CACNA1H: variants seen among roughly 807,000 people sequenced by gnomAD.
CACNA1H encodes voltage-dependent T-type calcium channel subunit alpha-1H.
A neutral mutation model predicts 192.5 loss-of-function variants in CACNA1H; 149 were observed. That is an observed-to-expected ratio of 0.77 (90% CI 0.68 to 0.89). The LOEUF is 0.89. CACNA1H is among the 40% of genes least tolerant of loss of function. The probability of loss-of-function intolerance (pLI) is 0.00; values close to 1 mark genes in which losing one functional copy is unlikely to be tolerated. For missense variants in CACNA1H, 4,257 were observed against 3,423.5 expected, an observed-to-expected ratio of 1.24 and a Z score of -6.08; for synonymous variants, 2,202 against 1,475.2, an observed-to-expected ratio of 1.49 and a Z score of -11.29.
rs576181625 is a variant in CACNA1H, at chr16:1,214,414, G to A, written c.4929+483G>A. 2.7e-4 allele frequency among the ~76,000 whole-genome samples: 41 copies of A among 152,292 alleles called. 1 individual carries two copies. In the South Asian group the frequency reaches 5.4e-3, roughly 20 times the overall value. On this transcript the variant is annotated intron_variant, in intron 27 of 34. Coordinates refer to ENST00000348261, the MANE Select transcript of CACNA1H (RefSeq NM_021098.3). Reference sequence around the variant, plus strand: ...TATGGAAAGCGTTTTGTGTGGAGCCGAGGATGGCCGTGGCCAGAGGCCAGG... The same window carrying A: ...TATGGAAAGCGTTTTGTGTGGAGCCAAGGATGGCCGTGGCCAGAGGCCAGG...
At chr16:1,176,022 T>C (rs962251521) in intron 2 of CACNA1H, among the ~76,000 whole-genome samples, 1 of 152,184 alleles carries the variant, frequency 6.6e-6, no homozygotes, top group Non-Finnish European at 1.5e-5. Flanking sequence ...CCAACCCCGT[T>C]CGTGGAGGCG....
At chr16:1,166,783 T>C (rs1212219794) in intron 2 of CACNA1H, among the ~76,000 whole-genome samples, 2 of 152,184 alleles carry the variant, frequency 1.3e-5, no homozygotes, top group Non-Finnish European at 2.9e-5. Flanking sequence ...CACGGTTAGA[T>C]GCGCCCTCAT....
rs1404130155 is a variant in CACNA1H at position 1,167,921 on chromosome 16, G to A, written c.299+13885G>A. On this transcript the variant is annotated intron_variant, in intron 2 of 34. Coordinates refer to ENST00000348261, the MANE Select transcript of CACNA1H (RefSeq NM_021098.3). This position sits in a 1 kb window ranked among gnomAD's most constrained non-coding sequence, Gnocchi z 4.2. ...AGCACTCGCCCCACCAGTGCGTGGA[G>A]CACGTGGGGCCTCAGGAGCCAGGCC... Among the ~76,000 whole-genome samples the A allele has an allele frequency of 6.6e-6, 1 of 152,206 alleles. No individual in the cohort carries two copies. Among genetic ancestry groups the A allele is most frequent in the African/African-American group, 2.4e-5 (1 of 41,454 alleles).
chr16:1,197,256 C>T (rs987997331), intron 5 of CACNA1H, among the ~76,000 whole-genome samples: 25 of 152,228 alleles, frequency 1.6e-4, no homozygotes, highest in Admixed American at 9.8e-4. Flanking sequence ...ACAGGAGTAA[C>T]CATGACCCCA....
intron 2 of CACNA1H, among the ~76,000 whole-genome samples, chr16:1,170,689 T>C (rs1274099000): frequency 6.6e-6 from 1 of 152,084 alleles, no homozygotes; most frequent in East Asian, 1.9e-4. Context: ...CCCCACGATC[T>C]GGACAGGGAT....
chr16:1,221,202 CG>C lies in CACNA1H; in HGVS notation c.*211del. On this transcript the variant is annotated 3_prime_UTR_variant, in exon 35 of 35. Coordinates refer to ENST00000348261, the MANE Select transcript of CACNA1H (RefSeq NM_021098.3). The stretch of plus-strand genomic sequence containing the variant: ...CCACGAGCCTCCGTCCGTTCTGGTT[CG>C]GGTTTCTCCGAGTTTTGCTACCAGC... 1 of 519,802 alleles carries C rather than the reference CG, an allele frequency of 1.9e-6. No homozygotes were observed. The highest frequency in any genetic ancestry group is 3.4e-6 in the Non-Finnish European group (1 of 298,156). 32.2% of individuals were successfully genotyped at this position (519,802 alleles called of 1,614,324 possible).
intron 5 of CACNA1H, 86 bp downstream of exon 5, chr16:1,196,109 G>A (rs1966936033): frequency 1.9e-6 from 2 of 1,068,594 alleles, no homozygotes; most frequent in South Asian, 1.3e-5. Flanking sequence ...GCCCCCAGGA[G>A]CACAGGACTG....
At chr16:1,193,178 A>C (rs568647478) in intron 2 of CACNA1H, among the ~76,000 whole-genome samples, 47 of 152,298 alleles carry the variant, frequency 3.1e-4, no homozygotes, top group African/African-American at 1.1e-3. Context: ...CCGTTTACCC[A>C]AGAAAACCCC....
intron 12 of CACNA1H, chr16:1,206,561 G>A (rs558275868): frequency 1.5e-4 from 76 of 502,380 alleles, no homozygotes; most frequent in African/African-American, 1.2e-3. Context: ...GCAGAATACC[G>A]GGGGTGGGGG....
chr16:1,214,292 C>G (rs1010271049), intron 27 of CACNA1H, among the ~76,000 whole-genome samples: 2 of 152,238 alleles, frequency 1.3e-5, no homozygotes, highest in South Asian at 4.1e-4. Flanking sequence ...GCATCCTCTC[C>G]TTTCCTCAGC....
Position 1,221,363 on chromosome 16 carries a change from T to A in CACNA1H, c.*369T>A. On this transcript the variant is annotated 3_prime_UTR_variant, in exon 35 of 35. Coordinates refer to ENST00000348261, the MANE Select transcript of CACNA1H (RefSeq NM_021098.3). Reference sequence around the variant, plus strand: ...CAGGCCCCGCGTTGTTACAGGACACTCGCTGGGGGCCCTGTGCCCTTGCCG... The same window carrying A: ...CAGGCCCCGCGTTGTTACAGGACACACGCTGGGGGCCCTGTGCCCTTGCCG... 3.1e-6 allele frequency: 1 copy of A among 322,020 alleles called. No homozygotes were observed. Among genetic ancestry groups the A allele is most frequent in the East Asian group, 5.9e-5 (1 of 16,982 alleles). 19.9% of individuals were successfully genotyped at this position (322,020 alleles called of 1,614,324 possible).
chr16:1,170,063 C>G (rs982886481), intron 2 of CACNA1H, among the ~76,000 whole-genome samples: 2 of 152,180 alleles, frequency 1.3e-5, no homozygotes, highest in Admixed American at 1.3e-4. Context: ...CCCCCTCCCC[C>G]GCTCGCCTCT....
Position 1,200,265 on chromosome 16 carries a change from C to G in CACNA1H, c.813C>G (p.Asn271Lys). 1.3e-6 allele frequency: 2 copies of G among 1,599,662 alleles called. No individual in the cohort carries two copies. The highest frequency in any genetic ancestry group is 1.3e-5 in the African/African-American group (1 of 74,636). ...FLDSAFVRNN[N>K]LTFLRPYYQT... ...CTGTGCCCATCCCCAGGAACAACAA[C>G]CTGACCTTCCTGCGGCCGTACTACC... The change falls in exon 7 of 35, where the codon AAC becomes AAG. Residue 271 changes from asparagine (N) to lysine (K), a missense_variant. By Grantham distance (94) the Asn-to-Lys change is moderately conservative (BLOSUM62 0). Coordinates refer to ENST00000348261, the MANE Select transcript of CACNA1H (RefSeq NM_021098.3).
At chr16:1,217,093 A>G (rs908907790) in intron 31 of CACNA1H, 83 bp downstream of exon 31, 2 of 1,199,200 alleles carry the variant, frequency 1.7e-6, no homozygotes, top group Non-Finnish European at 2.4e-6. Context: ...ACGCAGGCAC[A>G]TGCTTGCAAA....
chr16:1,190,621 C>T (rs1207833715), intron 2 of CACNA1H, among the ~76,000 whole-genome samples: 3 of 152,264 alleles, frequency 2.0e-5, no homozygotes, highest in South Asian at 2.1e-4. Context: ...CTGCCTGTCA[C>T]GTCCTCTGTC....
At chr16:1,174,420 G>A (rs898213850) in intron 2 of CACNA1H, among the ~76,000 whole-genome samples, 2 of 152,174 alleles carry the variant, frequency 1.3e-5, no homozygotes, top group African/African-American at 4.8e-5. Flanking sequence ...GCTCCATCTC[G>A]GGGTGCTGGC....
intron 2 of CACNA1H, among the ~76,000 whole-genome samples, chr16:1,193,845 T>G (rs1309288601): frequency 6.6e-6 from 1 of 151,128 alleles, no homozygotes; most frequent in Admixed American, 6.6e-5. Context: ...CAGGCTGGAG[T>G]GACAGGTGGG....
At position 1,220,064 on chromosome 16, in the gene CACNA1H, C is replaced by A. The variant is rs2141406558; in HGVS notation, c.6132C>A (p.Thr2044=). 15 of 1,434,118 alleles carry A rather than the reference C, an allele frequency of 1.0e-5. No homozygotes were observed. Among genetic ancestry groups the A allele is most frequent in the Non-Finnish European group, 1.4e-5 (15 of 1,095,678 alleles). The allele number at this position is 1,434,118 out of a possible 1,614,324, so 88.8% of individuals were successfully genotyped here. A position where few individuals can be genotyped will look rare whatever the true frequency, so the allele number is the denominator to read the frequency against. The stretch of plus-strand genomic sequence containing the variant: ...ATCCTGCAGAGCCTGGTGAGAAAAC[C>A]CCGGTGAGGCCGGTGACCCAGGGGG... The part of the protein sequence containing the change: ...TLDPAEPGEK[T]PVRPVTQGGS... The change falls in exon 35 of 35, where the codon ACC becomes ACA. Residue 2044 remains threonine (T), a synonymous_variant. Transcript: ENST00000348261.
At chr16:1,203,434 C>T (rs1320065258) in intron 9 of CACNA1H, among the ~76,000 whole-genome samples, 3 of 152,214 alleles carry the variant, frequency 2.0e-5, no homozygotes, top group African/African-American at 4.8e-5. Flanking sequence ...AGGCAAACGT[C>T]TCTGCACCTA....
Sources: gnomAD v4.1 joint callset for allele counts (sites outside exome capture counted in the v4.1 genomes callset) on GRCh38, gnomAD v4.1.1 for gene constraint, Gnocchi (gnomAD v3.1) non-coding constraint, MANE v1.5 for transcripts, NCBI Gene and HGNC (gene_info 2026-07-23, HGNC 2026-07-21) for gene names.